Variants in RSBN1 observed in about 807,000 individuals in gnomAD.
The protein encoded by RSBN1 is lysine-specific demethylase 9.
A neutral mutation model predicts 74.8 loss-of-function variants in RSBN1; 23 were observed. The observed-to-expected ratio is 0.31, with a 90% CI of 0.22 to 0.44. The LOEUF (loss-of-function observed/expected upper bound fraction) is 0.44. Among genes scored for constraint, RSBN1 ranks in the 20% least tolerant of loss-of-function variants. The pLI is 1.00. For synonymous variants in RSBN1, 407 were observed against 379.6 expected, an observed-to-expected ratio of 1.07 and a Z score of -0.84; for missense variants, 808 against 1,020.9, an observed-to-expected ratio of 0.79 and a Z score of 2.84.
chr1:113,776,361 A>C (rs1660026241), intron 4 of RSBN1, among the ~76,000 whole-genome samples: 1 of 152,208 alleles, frequency 6.6e-6, no homozygotes, highest in Non-Finnish European at 1.5e-5. Flanking sequence ...AAACTTCACA[A>C]AGGAGGTGAC....
chr1:113,781,554 A>G (rs1024602786), intron 2 of RSBN1, among the ~76,000 whole-genome samples: 2 of 152,166 alleles, frequency 1.3e-5, no homozygotes, highest in African/African-American at 4.8e-5. Flanking sequence ...ACTACATTCC[A>G]TATCTACATC....
Position 113,767,130 on chromosome 1 carries a change from T to A in RSBN1, c.1904A>T (p.Gln635Leu). Residue 635 changes from glutamine to leucine, a missense_variant, in exon 6 of 7, where the codon CAG becomes CTG. Gln to Leu is a moderately radical substitution (Grantham distance 113). Transcript: ENST00000261441. The part of the protein sequence containing the change: ...EDFTDVVQRL[Q>L]LDLHEPPVSQ... ...AACTGGAGGTTCATGAAGATCTAAC[T>A]GAAGTCTTTGTACAACATCAGTAAA... The A allele has an allele frequency of 6.2e-7, 1 of 1,609,984 alleles. No individual in the cohort carries two copies. Among genetic ancestry groups the A allele is most frequent in the Non-Finnish European group, 8.5e-7 (1 of 1,177,552 alleles).
At chr1:113,807,953 T>A (rs1347194491) in intron 1 of RSBN1, among the ~76,000 whole-genome samples, 2 of 151,974 alleles carry the variant, frequency 1.3e-5, no homozygotes, top group Non-Finnish European at 2.9e-5. Flanking sequence ...CAAATTAAGA[T>A]CATGATGATG....
chr1:113,781,872 G>A (rs1382824542), intron 2 of RSBN1, among the ~76,000 whole-genome samples: 2 of 152,148 alleles, frequency 1.3e-5, no homozygotes, highest in Non-Finnish European at 2.9e-5. Flanking sequence ...TCACCTAATT[G>A]TAAAACCTCT....
At chr1:113,799,565 TACACAC>T (rs66958734) in intron 1 of RSBN1, among the ~76,000 whole-genome samples, 18,578 of 141,822 alleles carry the variant, frequency 0.13, 1,353 homozygotes, top group East Asian at 0.2. Context: ...ATAGATGCTT[TACACAC>T]ACACACACAC....
At chr1:113,793,390 A>C (rs964571978) in intron 2 of RSBN1, among the ~76,000 whole-genome samples, 1 of 152,206 alleles carries the variant, frequency 6.6e-6, no homozygotes, top group Non-Finnish European at 1.5e-5. Flanking sequence ...TCCCATCCTT[A>C]CTTACTGGAT....
rs201201719 is a variant in RSBN1 at position 113,777,332 on chromosome 1, T to C, written c.1536A>G (p.Thr512=). ...TACACTGGAGTCGGAGGCTAGAAAG[T>C]GTACCCCAGGGCAAAGTCATCTAGA... ...PFLKMTLPWG[T]LSSLRLQCRS... Residue 512 remains threonine (T), a synonymous_variant, in exon 4 of 7, where the codon ACA becomes ACG. Transcript: ENST00000261441. The C allele has an allele frequency of 3.7e-6, 6 of 1,611,338 alleles. No individual in the cohort carries two copies. Among genetic ancestry groups the C allele is most frequent in the Non-Finnish European group, 5.1e-6 (6 of 1,178,422 alleles).
chr1:113,809,691 A>G (rs1378737933), intron 1 of RSBN1, among the ~76,000 whole-genome samples: 2 of 152,220 alleles, frequency 1.3e-5, no homozygotes, highest in Admixed American at 1.3e-4. Flanking sequence ...AAATGTTTAA[A>G]TGGGCTTATC....
chr1:113,794,945 C>A (rs1425686704), intron 2 of RSBN1, among the ~76,000 whole-genome samples: 2 of 152,156 alleles, frequency 1.3e-5, no homozygotes, highest in Admixed American at 1.3e-4. Flanking sequence ...AAATAACTTC[C>A]AATAACTATG....
At chr1:113,785,479 T>C (rs922848483) in intron 2 of RSBN1, among the ~76,000 whole-genome samples, 1 of 152,238 alleles carries the variant, frequency 6.6e-6, no homozygotes, top group African/African-American at 2.4e-5. Context: ...GCGTTACATA[T>C]GCAGTCTGTC....
intron 1 of RSBN1, among the ~76,000 whole-genome samples, chr1:113,805,271 C>T (rs1571311951): frequency 6.6e-6 from 1 of 151,808 alleles, no homozygotes; most frequent in East Asian, 1.9e-4. Flanking sequence ...TTGTATTTTT[C>T]GTAGAGACAG....
intron 2 of RSBN1, among the ~76,000 whole-genome samples, chr1:113,793,587 G>A (rs1054442494): frequency 2.5e-4 from 38 of 151,550 alleles, no homozygotes; most frequent in African/African-American, 8.2e-4. Flanking sequence ...CTGCATCTCC[G>A]CATCTCCTGC....
rs531474151 is a variant in RSBN1 at position 113,807,828 on chromosome 1, A to C, written c.703+3882T>G. Among the ~76,000 whole-genome samples, 318 of 150,162 alleles carry C rather than the reference A, an allele frequency of 2.1e-3. 4 individuals are homozygous for C. Among genetic ancestry groups the C allele is most frequent in the African/African-American group, 7.5e-3 (303 of 40,396 alleles). Reference sequence around the variant, plus strand: ...ACACACACACACACACACACACACAAAATTCAATTAGAAAATAGGCAAAAG... The same window carrying C: ...ACACACACACACACACACACACACACAATTCAATTAGAAAATAGGCAAAAG... On this transcript the variant is annotated intron_variant, in intron 1 of 6. Transcript: ENST00000261441.
At position 113,768,170 on chromosome 1, in the gene RSBN1, CATTGTCTTATACAAT is replaced by C. The variant is rs535856093; in HGVS notation, c.1826+37_1826+51del. On this transcript the variant is annotated intron_variant, in intron 5 of 6. Coordinates refer to ENST00000261441, the MANE Select transcript of RSBN1 (RefSeq NM_018364.5). ...TCCTAAACCTTTTAAATAGAGTCCA[CATTGTCTTATACAAT>C]ATTAACCAACCTTGCAGTTGAGTTC... 5.0e-4 allele frequency: 726 copies of C among 1,459,298 alleles called. 2 individuals are homozygous for C. In the African/African-American group the frequency reaches 9.3e-3, roughly 19 times the overall value. The allele number at this position is 1,459,298 out of a possible 1,614,324, so 90.4% of individuals were successfully genotyped here. A position where few individuals can be genotyped will look rare whatever the true frequency, so the allele number is the denominator to read the frequency against.
chr1:113,807,644 C>T (rs548654967), intron 1 of RSBN1, among the ~76,000 whole-genome samples: 396 of 151,548 alleles, frequency 2.6e-3, no homozygotes, highest in Non-Finnish European at 5.0e-3. Flanking sequence ...ACCTGTAATC[C>T]CAGCGATTCG....
chr1:113,801,438 T>C (rs1660582976), intron 1 of RSBN1, among the ~76,000 whole-genome samples: 1 of 152,236 alleles, frequency 6.6e-6, no homozygotes, highest in South Asian at 2.1e-4. Flanking sequence ...TAATTGAGAA[T>C]GGCATATGTA....
At chr1:113,792,138 A>G (rs1211586678) in intron 2 of RSBN1, among the ~76,000 whole-genome samples, 1 of 152,188 alleles carries the variant, frequency 6.6e-6, no homozygotes, top group African/African-American at 2.4e-5. Context: ...CCTCAAAATT[A>G]TATATGAAAA....
chr1:113,776,693 C>T lies in RSBN1; in HGVS notation c.1658+517G>A, dbSNP rs543697890. Among the ~76,000 whole-genome samples, 3 of 151,360 alleles carry T rather than the reference C, an allele frequency of 2.0e-5. No homozygotes were observed. In the East Asian group the frequency reaches 5.8e-4, roughly 29 times the overall value. On this transcript the variant is annotated intron_variant, in intron 4 of 6. Coordinates refer to ENST00000261441, the MANE Select transcript of RSBN1 (RefSeq NM_018364.5). ...TTTTAATCAGATGGGCATGGTGGTA[C>T]ACACCTATAGCCACAGTTACTTGGG... is the stretch of plus-strand genomic sequence containing the variant.
chr1:113,804,654 G>A (rs972305265), intron 1 of RSBN1, among the ~76,000 whole-genome samples: 5 of 152,062 alleles, frequency 3.3e-5, no homozygotes, highest in Non-Finnish European at 5.9e-5. Flanking sequence ...AAAAGTTTTC[G>A]TGCCCTTAAA....
Sources: gnomAD v4.1 joint callset for allele counts (sites outside exome capture counted in the v4.1 genomes callset) on GRCh38, gnomAD v4.1.1 for gene constraint, MANE v1.5 for transcripts, NCBI Gene and HGNC (gene_info 2026-07-23, HGNC 2026-07-21) for gene names.